The following C6 variants were observed in gnomAD, a reference collection of about 807,000 sequenced individuals.
C6 encodes the protein complement C6, also known as complement component C6.
C6 carries 101 observed loss-of-function variants against 112.9 expected under a neutral mutation model. The observed-to-expected ratio is 0.89, with a 90% CI of 0.76 to 1.06. The LOEUF (loss-of-function observed/expected upper bound fraction) is 1.06. Ranked by LOEUF, C6 falls within the 50% of genes least tolerant of loss-of-function variation. The pLI is 0.00. For synonymous variants in C6, 431 were observed against 384.1 expected (o/e 1.12, Z -1.43); for missense variants, 1,202 against 1,104.6 (o/e 1.09, Z -1.25).
intron 5 of C6, among the ~76,000 whole-genome samples, chr5:41,191,293 C>T (rs1028625435): frequency 2.0e-5 from 3 of 151,976 alleles, no homozygotes; most frequent in African/African-American, 7.2e-5. Flanking sequence ...TCTTGAACTC[C>T]TGAACTCATG....
In C6 at chr5:41,203,270, A is replaced by C. The variant is rs752664701; in HGVS notation, c.-20-20T>G. The C allele has an allele frequency of 6.2e-7, 1 of 1,612,420 alleles. No individual in the cohort carries two copies. The highest frequency in any genetic ancestry group is 1.7e-5 in the Admixed American group (1 of 60,016). ...CAGGCCCTAAAATGAAAGAATACAT[A>C]ACACATATCAAATGCTTTTTTGAGG... On this transcript the variant is annotated intron_variant, in intron 1 of 17. Coordinates refer to ENST00000337836, the MANE Select transcript of C6 (RefSeq NM_000065.5).
intron 1 of C6, among the ~76,000 whole-genome samples, chr5:41,259,555 T>A (rs1741915368): frequency 6.6e-6 from 1 of 150,904 alleles, no homozygotes; most frequent in African/African-American, 2.4e-5. Flanking sequence ...TCTGAGATAA[T>A]AGCACTATTT....
chr5:41,160,460 C>G, intron 10 of C6, 93 bp from the exon 11 acceptor site: 1 of 1,002,452 alleles, frequency 1.0e-6, no homozygotes, highest in East Asian at 2.4e-5. Flanking sequence ...GAGGGAAAGC[C>G]TGAAAATTTT....
intron 1 of C6, among the ~76,000 whole-genome samples, chr5:41,238,387 A>C (rs1043324031): frequency 1.3e-5 from 2 of 152,060 alleles, no homozygotes; most frequent in South Asian, 4.1e-4. Context: ...AGAGATATAG[A>C]TCAATGGAAC....
chr5:41,157,916 A>C (rs2150256427), intron 13 of C6, among the ~76,000 whole-genome samples: 1 of 152,310 alleles, frequency 6.6e-6, no homozygotes, highest in East Asian at 1.9e-4. Context: ...TGAATATGGA[A>C]GATACATTAG....
In C6 at chr5:41,161,844, C is replaced by A. The variant is rs1008070604; in HGVS notation, c.1307G>T (p.Gly436Val). Residue 436 changes from glycine (G) to valine (V), a missense_variant, in exon 10 of 18, where the codon GGA becomes GTA. Gly to Val is a moderately radical substitution (Grantham distance 109). Coordinates refer to ENST00000337836, the MANE Select transcript of C6 (RefSeq NM_000065.5). ...AATCAGGGATATGGATTTCTCTGCT[C>A]CCTGTATAAATGAACCTGCAAGGTG... ...SEKHEGSFIQGAEKSISLIRG... is the reference protein window; with the variant it reads ...SEKHEGSFIQVAEKSISLIRG... The A allele has an allele frequency of 2.5e-6, 4 of 1,613,480 alleles. No individual in the cohort carries two copies. The African/African-American group carries it at 4.0e-5, about 16-fold the overall frequency.
chr5:41,253,618 G>A (rs148887751), intron 1 of C6, among the ~76,000 whole-genome samples: 1 of 152,270 alleles, frequency 6.6e-6, no homozygotes, highest in East Asian at 1.9e-4. Context: ...TCTATAGAGT[G>A]TAGGGTCCAA....
At position 41,202,592 on chromosome 5, in the gene C6, C is replaced by G. The variant is rs1277206709; in HGVS notation, c.143+496G>C. 2.0e-5 allele frequency among the ~76,000 whole-genome samples: 3 copies of G among 152,128 alleles called. No individual in the cohort carries two copies. In the East Asian group the frequency reaches 5.8e-4, roughly 29 times the overall value. ...GAAACATTTAACAGAGTTAAAGAAA[C>G]TGTGGGGGACAAGAAGTCTGAATTG... On this transcript the variant is annotated intron_variant, in intron 2 of 17. Transcript: ENST00000337836.
At chr5:41,220,747 A>G (rs2150403773) in intron 1 of C6, among the ~76,000 whole-genome samples, 2 of 152,162 alleles carry the variant, frequency 1.3e-5, no homozygotes, top group Middle Eastern at 6.8e-3. Flanking sequence ...TAGATACAGG[A>G]GGTACACATG....
Position 41,142,928 on chromosome 5 carries a change from C to A in C6, c.2702G>T (p.Gly901Val). The A allele has an allele frequency of 1.2e-6, 2 of 1,613,508 alleles. No homozygotes were observed. The highest frequency in any genetic ancestry group is 1.3e-5 in the African/African-American group (1 of 74,954). ...GGNQLYCVKMGSSTSEKTLNI... is the reference protein window; with the variant it reads ...GGNQLYCVKMVSSTSEKTLNI... The stretch of plus-strand genomic sequence containing the variant: ...CAATGTTTTCTCACTTGTTGATGAT[C>A]CCATTTTGACACAGTAGAGTTGGTT... The change falls in exon 18 of 18, where the codon GGA becomes GTA. Residue 901 changes from glycine to valine, a missense_variant. Gly to Val is a moderately radical substitution (Grantham distance 109, BLOSUM62 -3). Coordinates refer to ENST00000337836, the MANE Select transcript of C6 (RefSeq NM_000065.5).
At chr5:41,148,629 G>A (rs1367211117) in intron 17 of C6, among the ~76,000 whole-genome samples, 1 of 152,182 alleles carries the variant, frequency 6.6e-6, no homozygotes, top group Non-Finnish European at 1.5e-5. Flanking sequence ...CCACAGGCAT[G>A]AGCCCCAGAG....
intron 1 of C6, among the ~76,000 whole-genome samples, chr5:41,226,223 C>A (rs374877559): frequency 1.3e-5 from 2 of 152,110 alleles, no homozygotes; most frequent in Non-Finnish European, 2.9e-5. Context: ...GGCTAATAAC[C>A]AGAATCTACA....
chr5:41,208,444 A>G (rs1751617162), intron 1 of C6, among the ~76,000 whole-genome samples: 1 of 152,196 alleles, frequency 6.6e-6, no homozygotes. Context: ...TGGTTTTTTG[A>G]AAAGATTGAC....
chr5:41,150,847 A>G (rs1261917226), intron 15 of C6, among the ~76,000 whole-genome samples: 4 of 141,574 alleles, frequency 2.8e-5, no homozygotes, highest in Non-Finnish European at 6.1e-5. Context: ...AGATTGTGCC[A>G]CTGCACCCAG....
chr5:41,153,875 G>C lies in C6; in HGVS notation c.2225C>G (p.Ser742Ter). ...GGAATTCCCCTGGCATGTGTACCTT[G>C]ATGGCCCAGCAACAACAAAGCCTTT... The part of the protein sequence containing the change: ...CPKGFVVAGP[S>*]RYTCQGNSWT... The change falls in exon 15 of 18, where the codon TCA becomes TGA. Residue 742 changes from serine to a stop codon, truncating the protein, a stop_gained. Transcript: ENST00000337836. LOFTEE classifies it high-confidence loss of function. 6.2e-7 allele frequency: 1 copy of C among 1,613,766 alleles called. No homozygotes were observed. Among genetic ancestry groups the C allele is most frequent in the Non-Finnish European group, 8.5e-7 (1 of 1,179,794 alleles).
At chr5:41,202,931 A>C (rs1751143788) in intron 2 of C6, among the ~76,000 whole-genome samples, 157 bp downstream of exon 2, 1 of 152,224 alleles carries the variant, frequency 6.6e-6, no homozygotes, top group South Asian at 2.1e-4. Flanking sequence ...CTTCCTTTCA[A>C]CCTCATAAGA....
chr5:41,180,168 A>G (rs758144581), intron 7 of C6, among the ~76,000 whole-genome samples: 31 of 152,296 alleles, frequency 2.0e-4, no homozygotes, highest in Non-Finnish European at 4.0e-4. Context: ...TAAATGGTTG[A>G]CTAAATAAAA....
Position 41,158,701 on chromosome 5 carries a change from T to TGGC in C6, c.1938_1940dup (p.Pro647dup). Reference sequence around the variant, plus strand: ...GGATAAATCCATTTTCTGGAGGAACTGGCTGAGGACACCCGGAATCTGCTT... The same window carrying TGGC: ...GGATAAATCCATTTTCTGGAGGAACTGGCGGCTGAGGACACCCGGAATCTGCTT... On this transcript the variant is annotated inframe_insertion, in exon 13 of 18. Coordinates refer to ENST00000337836, the MANE Select transcript of C6 (RefSeq NM_000065.5). 1.2e-6 allele frequency: 2 copies of TGGC among 1,609,902 alleles called. No individual in the cohort carries two copies. The highest frequency in any genetic ancestry group is 1.7e-6 in the Non-Finnish European group (2 of 1,176,308).
intron 9 of C6, among the ~76,000 whole-genome samples, chr5:41,165,771 T>C (rs1371934751): frequency 2.0e-5 from 3 of 152,130 alleles, no homozygotes; most frequent in African/African-American, 7.2e-5. Flanking sequence ...AATACTATTA[T>C]TATTTTTATT....
Sources: allele counts gnomAD v4.1 joint callset (sites outside exome capture counted in the v4.1 genomes callset), GRCh38; gene constraint gnomAD v4.1.1; transcripts MANE v1.5; gene names NCBI Gene and HGNC (gene_info 2026-07-23, HGNC 2026-07-21).